PES1: variants seen among roughly 807,000 people sequenced by gnomAD.
PES1 encodes the protein pescadillo homolog.
Under a neutral mutation model 77.1 loss-of-function variants are expected in PES1, and 31 were observed. That is an observed-to-expected ratio of 0.40 (90% CI 0.30 to 0.54). The LOEUF (loss-of-function observed/expected upper bound fraction) is 0.54, where lower values mean the gene tolerates loss of function less well. Ranked by LOEUF, PES1 falls within the 20% of genes least tolerant of loss-of-function variation. PES1 has a pLI of 0.45. For synonymous variants in PES1, 282 were observed against 303.0 expected, an observed-to-expected ratio of 0.93 and a Z score of 0.72; for missense variants, 658 against 771.7, an observed-to-expected ratio of 0.85 and a Z score of 1.75.
intron 6 of PES1, among the ~76,000 whole-genome samples, chr22:30,583,774 G>T (rs2087021774): frequency 6.6e-6 from 1 of 152,210 alleles, no homozygotes; most frequent in South Asian, 2.1e-4. Flanking sequence ...AAAAGAAAAA[G>T]AAAACAATAT....
At chr22:30,603,510 TA>T (rs1362534948) in intron 2 of PES1, among the ~76,000 whole-genome samples, 1 of 152,058 alleles carries the variant, frequency 6.6e-6, no homozygotes, top group Non-Finnish European at 1.5e-5. Flanking sequence ...ACCTCCCAAG[TA>T]GCTGGGACCA....
chr22:30,598,928 GCT>G (rs2087311374), intron 2 of PES1, among the ~76,000 whole-genome samples: 3 of 54,090 alleles, frequency 5.5e-5, no homozygotes. Context: ...ATGGAGTCCT[GCT>G]CTGTCATCCA....
At chr22:30,602,254 G>C (rs537290989) in intron 2 of PES1, among the ~76,000 whole-genome samples, 2 of 152,094 alleles carry the variant, frequency 1.3e-5, no homozygotes, top group South Asian at 4.1e-4. Flanking sequence ...ATGGTTTTAA[G>C]TGTGGCACTT....
intron 14 of PES1, among the ~76,000 whole-genome samples, chr22:30,578,576 G>A (rs1001693622): frequency 6.6e-6 from 1 of 152,238 alleles, no homozygotes; most frequent in African/African-American, 2.4e-5. Context: ...TCTGTTTGCA[G>A]ACCCCAGCAG....
At chr22:30,586,598 C>T (rs766168470) in intron 4 of PES1, among the ~76,000 whole-genome samples, 6 of 152,170 alleles carry the variant, frequency 3.9e-5, no homozygotes, top group African/African-American at 1.4e-4. Context: ...CCATCCAAGT[C>T]GTGAGAACCA....
At position 30,584,695 on chromosome 22, in the gene PES1, G is replaced by A; in HGVS notation, c.391C>T (p.Leu131=). Residue 131 remains leucine, a synonymous_variant, in exon 5 of 15, where the codon CTG becomes TTG. Transcript: ENST00000354694. ...GAGAGGGCATCGTCCAGGTCCCGCAGGGCATCGATGAACGTGGGATACCTG... is the reference window on the plus strand; with the variant it reads ...GAGAGGGCATCGTCCAGGTCCCGCAAGGCATCGATGAACGTGGGATACCTG... ...KERYPTFIDA[L]RDLDDALSMC... 2 of 1,613,810 alleles carry A rather than the reference G, an allele frequency of 1.2e-6. No homozygotes were observed. Among genetic ancestry groups the A allele is most frequent in the South Asian group, 1.1e-5 (1 of 91,088 alleles).
intron 2 of PES1, among the ~76,000 whole-genome samples, chr22:30,599,770 C>G (rs1245379964): frequency 2.6e-5 from 4 of 152,082 alleles, no homozygotes; most frequent in African/African-American, 9.7e-5. Flanking sequence ...CATGGTGGTA[C>G]ATGCCTGTAA....
At chr22:30,588,312 A>C in intron 2 of PES1, 138 bp from the exon 3 acceptor site, 1 of 900,128 alleles carries the variant, frequency 1.1e-6, no homozygotes, top group East Asian at 2.5e-5. Context: ...CTAGTACATG[A>C]GTCTGACAGT....
At chr22:30,589,054 T>A in intron 2 of PES1, 137 bp downstream of exon 2, 3 of 585,052 alleles carry the variant, frequency 5.1e-6, no homozygotes, top group African/African-American at 1.9e-5. Flanking sequence ...CACAACTCAC[T>A]AAAGCAAGGG....
At chr22:30,578,175 G>C (rs531152306) in intron 14 of PES1, among the ~76,000 whole-genome samples, 1 of 152,266 alleles carries the variant, frequency 6.6e-6, no homozygotes, top group African/African-American at 2.4e-5. Context: ...CCAGCTACTC[G>C]GGAGGCTGAG....
At chr22:30,585,902 C>T (rs1382715003) in intron 4 of PES1, among the ~76,000 whole-genome samples, 2 of 152,140 alleles carry the variant, frequency 1.3e-5, no homozygotes, top group African/African-American at 4.8e-5. Context: ...CTGCAGAGAC[C>T]TCTGATGAGG....
intron 9 of PES1, 117 bp downstream of exon 9, chr22:30,580,895 C>T: frequency 9.3e-6 from 11 of 1,181,132 alleles, no homozygotes; most frequent in Non-Finnish European, 1.3e-5. Context: ...CATTCTTCTG[C>T]TCAGTTGCTT....
chr22:30,577,155 G>A, intron 14 of PES1, 26 bp from the exon 15 acceptor site: 1 of 1,601,630 alleles, frequency 6.2e-7, no homozygotes, highest in South Asian at 1.1e-5. Context: ...CGAAGGTCAG[G>A]CTGAGGTATG....
In PES1 at chr22:30,579,953, G is replaced by C. The variant is rs564336756; in HGVS notation, c.1170-18C>G. The C allele has an allele frequency of 1.2e-6, 2 of 1,611,176 alleles. No homozygotes were observed. Among genetic ancestry groups the C allele is most frequent in the African/African-American group, 1.3e-5 (1 of 74,836 alleles). On this transcript the variant is annotated intron_variant, in intron 11 of 14. Transcript: ENST00000354694. ...CGTAGCACCTGGCGCAGAGTGGCAG[G>C]CAAAAACGAGTCACAGAGGGCAACT...
At chr22:30,599,135 G>GATC (rs2087315075) in intron 2 of PES1, among the ~76,000 whole-genome samples, 1 of 151,912 alleles carries the variant, frequency 6.6e-6, no homozygotes, top group Non-Finnish European at 1.5e-5. Context: ...CCTGACAAGT[G>GATC]ATCCACTTGC....
chr22:30,606,858 T>G, exon 1 of PES1: 1 of 1,022,622 alleles, frequency 9.8e-7, no homozygotes. Flanking sequence ...CTGGGCTAGG[T>G]GGGCACTACC....
Position 30,588,181 on chromosome 22 carries a change from G to C in PES1, c.105-7C>G, listed in dbSNP as rs755109988. ...CTTCAGAATGCACAGCCGCCTGGAA[G>C]ACAGAGGCCATCTGTTATGTCAGTT... On this transcript the variant is annotated splice_polypyrimidine_tract_variant and splice_region_variant and intron_variant, in intron 2 of 14. Coordinates refer to ENST00000354694, the MANE Select transcript of PES1 (RefSeq NM_014303.4). 1 of 1,614,180 alleles carries C rather than the reference G, an allele frequency of 6.2e-7. No homozygotes were observed. Among genetic ancestry groups the C allele is most frequent in the East Asian group, 2.2e-5 (1 of 44,878 alleles).
At chr22:30,595,532 G>A (rs4820871), upstream of PES1, among the ~76,000 whole-genome samples, 1 of 135,634 alleles carries the variant, frequency 7.4e-6, no homozygotes, top group Non-Finnish European at 1.5e-5. Flanking sequence ...GAGTGAGACA[G>A]TGTCTCAAAA....
intron 2 of PES1, among the ~76,000 whole-genome samples, chr22:30,598,884 A>ATTTTTTTTTTTTTTTTTTTTTT (rs1569031688): frequency 4.3e-5 from 2 of 46,260 alleles, no homozygotes; most frequent in African/African-American, 1.5e-4. Context: ...ACTTAAGTAA[A>ATTTTTTTTTTTTTTTTTTTTTT]ATTTTTTTTT....
Sources: allele counts gnomAD v4.1 joint callset (sites outside exome capture counted in the v4.1 genomes callset), GRCh38; gene constraint gnomAD v4.1.1; transcripts MANE v1.5; gene names NCBI Gene and HGNC (gene_info 2026-07-23, HGNC 2026-07-21).